The following INSC variants were observed in gnomAD, a reference collection of about 807,000 sequenced individuals.
INSC encodes protein inscuteable homolog.
In INSC, 67 loss-of-function variants were observed where a neutral mutation model predicts 58.6. The ratio of observed to expected loss-of-function variants is 1.14; its 90% CI spans 0.94 to 1.40. The LOEUF (loss-of-function observed/expected upper bound fraction) is 1.40. Among genes scored for constraint, INSC ranks in the 40% most tolerant of loss-of-function variants. The pLI, the probability that INSC is intolerant of heterozygous loss-of-function variation, is 0.00. For synonymous variants in INSC, 262 were observed against 276.1 expected, an observed-to-expected ratio of 0.95 and a Z score of 0.51; for missense variants, 714 against 692.0, an observed-to-expected ratio of 1.03 and a Z score of -0.36.
intron 12 of INSC, among the ~76,000 whole-genome samples, chr11:15,244,181 T>G (rs1852472101): frequency 6.6e-6 from 1 of 152,194 alleles, no homozygotes; most frequent in African/African-American, 2.4e-5. Context: ...GTTTTCATGG[T>G]GACAACTCAG....
chr11:15,147,615 T>C (rs1848526632), intron 1 of INSC, among the ~76,000 whole-genome samples: 1 of 152,218 alleles, frequency 6.6e-6, no homozygotes, highest in Non-Finnish European at 1.5e-5. Context: ...TCAACAGACG[T>C]GTAGAGTGCA....
At chr11:15,122,359 C>T (rs1847893897) in intron 1 of INSC, among the ~76,000 whole-genome samples, 1 of 152,072 alleles carries the variant, frequency 6.6e-6, no homozygotes, top group South Asian at 2.1e-4. Context: ...CAGTAATTAC[C>T]AGGGCCTGAA....
the INSC span, among the ~76,000 whole-genome samples, chr11:15,256,589 A>G: frequency 5.3e-5 from 8 of 151,240 alleles, no homozygotes; most frequent in African/African-American, 1.9e-4. Context: ...TTCCAGTTTC[A>G]AGCGATTCTC....
In INSC at chr11:15,246,353, C is replaced by A; in HGVS notation, c.*313C>A. On this transcript the variant is annotated 3_prime_UTR_variant, in exon 13 of 13. Coordinates refer to ENST00000379556, the MANE Select transcript of INSC (RefSeq NM_001042536.3). ...TCTTATTTTTTCTACTCTCACTATA[C>A]AATCTTGCCTCATTTTTTAAAACTT... The A allele has an allele frequency of 5.7e-6, 1 of 176,894 alleles. No homozygotes were observed. The highest frequency in any genetic ancestry group is 1.6e-4 in the South Asian group (1 of 6,080). 11.0% of individuals were successfully genotyped at this position (176,894 alleles called of 1,614,324 possible). A position where few individuals can be genotyped will look rare whatever the true frequency, so the allele number is the denominator to read the frequency against.
intron 4 of INSC, 121 bp downstream of exon 4, chr11:15,177,284 C>T: frequency 1.3e-6 from 1 of 769,076 alleles, no homozygotes. Flanking sequence ...TTCAGAGTTT[C>T]CTTTTTCTGA....
At chr11:15,186,718 G>A (rs1288647368) in intron 5 of INSC, among the ~76,000 whole-genome samples, 1 of 151,956 alleles carries the variant, frequency 6.6e-6, no homozygotes, top group Admixed American at 6.6e-5. Flanking sequence ...CCTAATTCAT[G>A]CATTTTTCCA....
chr11:15,206,160 C>T (rs190506041), intron 7 of INSC, among the ~76,000 whole-genome samples: 6 of 152,202 alleles, frequency 3.9e-5, no homozygotes, highest in Admixed American at 3.9e-4. Flanking sequence ...AGGCTCCCTG[C>T]TTCCCAGGAT....
At chr11:15,166,345 G>T (rs1443241716) in intron 2 of INSC, among the ~76,000 whole-genome samples, 2 of 152,174 alleles carry the variant, frequency 1.3e-5, no homozygotes, top group Non-Finnish European at 2.9e-5. Context: ...TTGCAAAAAT[G>T]CCTTGAATGA....
chr11:15,202,092 A>G (rs1850615771), intron 7 of INSC, among the ~76,000 whole-genome samples: 1 of 152,222 alleles, frequency 6.6e-6, no homozygotes, highest in African/African-American at 2.4e-5. Context: ...CATTTTACAG[A>G]TGACAAGGCT....
intron 2 of INSC, among the ~76,000 whole-genome samples, chr11:15,159,619 G>A (rs1848944389): frequency 6.6e-6 from 1 of 152,220 alleles, no homozygotes; most frequent in South Asian, 2.1e-4. Flanking sequence ...GCCTAAAGCA[G>A]TTTAACATAA....
At chr11:15,253,267 A>G in the INSC span, among the ~76,000 whole-genome samples, 1 of 152,154 alleles carries the variant, frequency 6.6e-6, no homozygotes, top group East Asian at 1.9e-4. Flanking sequence ...AAAGTGTGTA[A>G]GTCTAATTTT....
chr11:15,203,705 A>C (rs1850685036), intron 7 of INSC, among the ~76,000 whole-genome samples: 1 of 152,254 alleles, frequency 6.6e-6, no homozygotes, highest in Admixed American at 6.5e-5. Context: ...TGAACAAAAC[A>C]GACAAAACCT....
chr11:15,116,791 T>TTTTC lies in INSC; in HGVS notation c.-46+1792_-46+1795dup, dbSNP rs1234895368. Among the ~76,000 whole-genome samples, 738 of 145,308 alleles carry TTTTC rather than the reference T, an allele frequency of 5.1e-3. 6 individuals are homozygous for TTTTC. The highest frequency in any genetic ancestry group is 0.018 in the African/African-American group (705 of 39,226). On this transcript the variant is annotated intron_variant, in intron 1 of 12. Coordinates refer to ENST00000379556, the MANE Select transcript of INSC (RefSeq NM_001042536.3). ...CTTTCTTTTTTTCTTCCTTCCTTTC[T>TTTTC]TTTCTTTTCTTTCTTTTCTTTCTTT...
At chr11:15,257,380 AAAAG>A in the INSC span, among the ~76,000 whole-genome samples, 8 of 152,200 alleles carry the variant, frequency 5.3e-5, no homozygotes, top group African/African-American at 1.9e-4. Context: ...TGGAGTAAGA[AAAAG>A]AAAGTGATAA....
At position 15,175,753 on chromosome 11, in the gene INSC, G is replaced by A. The variant is rs776832690; in HGVS notation, c.69G>A (p.Met23Ile). Residue 23 changes from methionine (M) to isoleucine (I), a missense_variant, in exon 3 of 13, where the codon ATG (methionine) becomes ATA (isoleucine). Physicochemically the swap from Met to Ile is conservative, Grantham distance 10. Transcript: ENST00000379556. Reference sequence around the variant, plus strand: ...TTCCTGGTTGCAGGCTACACCTGATGCAGGTGGACTCAGTCCAGCGCTGGA... The same window carrying A: ...TTCCTGGTTGCAGGCTACACCTGATACAGGTGGACTCAGTCCAGCGCTGGA... ...VTLPGQRLHL[M>I]QVDSVQRWME... 30 of 1,561,020 alleles carry A rather than the reference G, an allele frequency of 1.9e-5. No individual in the cohort carries two copies. The highest frequency in any genetic ancestry group is 4.8e-5 in the South Asian group (4 of 83,868).
the INSC span, among the ~76,000 whole-genome samples, chr11:15,254,625 T>G: frequency 6.6e-6 from 1 of 152,220 alleles, no homozygotes; most frequent in Admixed American, 6.5e-5. Flanking sequence ...GAGAATTAAA[T>G]GTGGTAATAC....
chr11:15,235,373 C>T lies in INSC; in HGVS notation c.1171-229C>T, dbSNP rs188802042. ...AGGGTGTCCTGGGGCCCTTGGGGGC[C>T]GTCCTATAGCCATAGGCTGATAAAT... On this transcript the variant is annotated intron_variant, in intron 9 of 12. Transcript: ENST00000379556. Among the ~76,000 whole-genome samples the T allele has an allele frequency of 2.4e-3, 368 of 152,212 alleles. 2 individuals carry two copies. Among genetic ancestry groups the T allele is most frequent in the Middle Eastern group, 3.4e-3 (1 of 294 alleles).
intron 5 of INSC, among the ~76,000 whole-genome samples, chr11:15,181,632 G>A (rs1407536261): frequency 6.6e-6 from 1 of 152,140 alleles, no homozygotes; most frequent in African/African-American, 2.4e-5. Flanking sequence ...ATTAACCCAA[G>A]AATCTGGGAC....
chr11:15,158,860 G>GTATTTT (rs1554907670), intron 2 of INSC, among the ~76,000 whole-genome samples: 47 of 109,668 alleles, frequency 4.3e-4, no homozygotes, highest in African/African-American at 9.9e-4. Flanking sequence ...ATTGTTGGTG[G>GTATTTT]TTTTTTTTTT....
Sources: allele counts gnomAD v4.1 joint callset (sites outside exome capture counted in the v4.1 genomes callset), GRCh38; gene constraint gnomAD v4.1.1; transcripts MANE v1.5; gene names NCBI Gene and HGNC (gene_info 2026-07-23, HGNC 2026-07-21).